RNF150: variants seen among roughly 807,000 people sequenced by gnomAD.
RNF150 encodes ring finger protein 150.
In RNF150, 24 loss-of-function variants were observed where a neutral mutation model predicts 39.3. The observed-to-expected ratio is 0.61, with a 90% CI of 0.44 to 0.86. The LOEUF (loss-of-function observed/expected upper bound fraction) is 0.86, where lower values mean the gene tolerates loss of function less well. Among genes scored for constraint, RNF150 ranks in the 40% least tolerant of loss-of-function variants. The pLI, the probability that RNF150 is intolerant of heterozygous loss-of-function variation, is 0.00. For synonymous variants in RNF150, 255 were observed against 227.3 expected, an observed-to-expected ratio of 1.12 and a Z score of -1.10; for missense variants, 502 against 587.8, an observed-to-expected ratio of 0.85 and a Z score of 1.51.
intron 1 of RNF150, among the ~76,000 whole-genome samples, chr4:141,100,874 A>G (rs892647324): frequency 6.6e-6 from 1 of 152,236 alleles, no homozygotes; most frequent in Non-Finnish European, 1.5e-5. Context: ...ACTGTAACAC[A>G]ATGATAAGAA....
intron 6 of RNF150, among the ~76,000 whole-genome samples, chr4:140,884,360 C>T (rs1020559048): frequency 2.6e-5 from 4 of 152,116 alleles, no homozygotes; most frequent in Non-Finnish European, 5.9e-5. Context: ...TCTTTGTACT[C>T]CTTTTCATGC....
chr4:141,073,484 T>C (rs1424034956), intron 1 of RNF150, among the ~76,000 whole-genome samples: 2 of 152,068 alleles, frequency 1.3e-5, no homozygotes, highest in Non-Finnish European at 1.5e-5. Flanking sequence ...TTCCATTTCA[T>C]GGGGGATGCA....
intron 1 of RNF150, among the ~76,000 whole-genome samples, chr4:141,118,172 A>T (rs1413095754): frequency 6.6e-6 from 1 of 151,982 alleles, no homozygotes; most frequent in African/African-American, 2.4e-5. Context: ...ATGGCCCCAA[A>T]CTCATGAATA....
intron 1 of RNF150, among the ~76,000 whole-genome samples, chr4:140,996,564 C>T (rs770796856): frequency 6.6e-6 from 1 of 152,178 alleles, no homozygotes; most frequent in Non-Finnish European, 1.5e-5. Context: ...ATCATAACTG[C>T]TCTGGCTACT....
intron 1 of RNF150, among the ~76,000 whole-genome samples, chr4:141,173,646 G>A (rs573816540): frequency 2.0e-5 from 3 of 152,246 alleles, no homozygotes; most frequent in Admixed American, 2.0e-4. Flanking sequence ...CTAGCTCATG[G>A]CCCCAGGAGA....
At chr4:141,128,067 C>T (rs954120971) in intron 1 of RNF150, among the ~76,000 whole-genome samples, 3 of 152,194 alleles carry the variant, frequency 2.0e-5, no homozygotes, top group African/African-American at 7.2e-5. Flanking sequence ...ATTGGCACCA[C>T]TGCTCTGGCC....
intron 2 of RNF150, among the ~76,000 whole-genome samples, chr4:140,965,032 CTTCA>C (rs1275686911): frequency 6.6e-6 from 1 of 152,088 alleles, no homozygotes; most frequent in East Asian, 1.9e-4. Context: ...CAGCTCTCTA[CTTCA>C]TTCATTACAC....
intron 1 of RNF150, among the ~76,000 whole-genome samples, chr4:140,981,960 T>C (rs1288581129): frequency 6.6e-6 from 1 of 152,192 alleles, no homozygotes; most frequent in African/African-American, 2.4e-5. Flanking sequence ...TGCATGCTGC[T>C]CTAGTCCTTA....
rs1728650800 is a variant in RNF150, at chr4:140,865,161, T to C, written c.*3100A>G. On this transcript the variant is annotated 3_prime_UTR_variant, in exon 7 of 7. Coordinates refer to ENST00000515673, the MANE Select transcript of RNF150 (RefSeq NM_020724.2). ...GACACAATGGATTTAGAAGACTTAGTACACAAAAGCATGTAAAACATGTCA... is the reference window on the plus strand; with the variant it reads ...GACACAATGGATTTAGAAGACTTAGCACACAAAAGCATGTAAAACATGTCA... 6.6e-6 allele frequency: 1 copy of C among 152,190 alleles called. No individual in the cohort carries two copies. The highest frequency in any genetic ancestry group is 6.5e-5 in the Admixed American group (1 of 15,286). 9.4% of individuals were successfully genotyped at this position (152,190 alleles called of 1,614,324 possible).
At position 141,163,269 on chromosome 4, in the gene RNF150, C is replaced by A. The variant is rs531867552; in HGVS notation, c.-6+49525G>T. On this transcript the variant is annotated intron_variant, in intron 1 of 7. Transcript: ENST00000420921. ...CTTCTCTAGATTCTTCCTCTCTGGGCAGGGCATCTCTGAAAGAAAGGCAGC... is the reference window on the plus strand; with the variant it reads ...CTTCTCTAGATTCTTCCTCTCTGGGAAGGGCATCTCTGAAAGAAAGGCAGC... 4.7e-4 allele frequency among the ~76,000 whole-genome samples: 72 copies of A among 152,350 alleles called. 1 individual carries two copies. Among genetic ancestry groups the A allele is most frequent in the African/African-American group, 1.6e-3 (67 of 41,592 alleles).
At chr4:141,076,051 TA>T (rs2110963844) in intron 1 of RNF150, among the ~76,000 whole-genome samples, 1 of 152,342 alleles carries the variant, frequency 6.6e-6, no homozygotes, top group East Asian at 1.9e-4. Flanking sequence ...TAAAAATGTA[TA>T]GGGACATAAT....
At chr4:141,019,265 C>A (rs545652931) in intron 1 of RNF150, among the ~76,000 whole-genome samples, 2 of 151,696 alleles carry the variant, frequency 1.3e-5, no homozygotes, top group South Asian at 4.2e-4. Context: ...ATAAAAAGAT[C>A]CAAGTCAAAT....
In RNF150 at chr4:140,935,017, ATAT is replaced by A. The variant is rs1228036364; in HGVS notation, c.891-8947_891-8945del. Among the ~76,000 whole-genome samples, 575 of 60,896 alleles carry A rather than the reference ATAT, an allele frequency of 9.4e-3. 7 individuals carry two copies. Among genetic ancestry groups the A allele is most frequent in the African/African-American group, 0.04 (543 of 13,538 alleles). 40.0% of individuals were successfully genotyped at this position (60,896 alleles called of 152,430 possible). On this transcript the variant is annotated intron_variant, in intron 4 of 6. Coordinates refer to ENST00000515673, the MANE Select transcript of RNF150 (RefSeq NM_020724.2). ...TATATATATATATATAAATATATAT[ATAT>A]TATATATTTATAATATATATATATA...
At chr4:140,933,724 C>T (rs1294764577) in intron 4 of RNF150, among the ~76,000 whole-genome samples, 1 of 152,190 alleles carries the variant, frequency 6.6e-6, no homozygotes, top group East Asian at 1.9e-4. Context: ...CCATGCTTTT[C>T]CCTGTTCCTT....
intron 1 of RNF150, among the ~76,000 whole-genome samples, chr4:141,178,974 G>A (rs1181445028): frequency 1.3e-5 from 2 of 149,392 alleles, no homozygotes; most frequent in Non-Finnish European, 2.9e-5. Context: ...AAGCATATGT[G>A]ACTCCTAAAT....
chr4:141,048,593 C>T (rs552371527), intron 1 of RNF150, among the ~76,000 whole-genome samples: 1 of 152,154 alleles, frequency 6.6e-6, no homozygotes. Context: ...ATTAACCAGG[C>T]ATGGTAGTGT....
intron 1 of RNF150, among the ~76,000 whole-genome samples, chr4:141,113,537 CAA>C (rs1363805286): frequency 6.6e-6 from 1 of 152,078 alleles, no homozygotes; most frequent in Non-Finnish European, 1.5e-5. Flanking sequence ...TGGAGATATA[CAA>C]AGAGACTTAG....
At chr4:140,982,515 C>CTTTTT (rs35925074) in intron 1 of RNF150, among the ~76,000 whole-genome samples, 1 of 132,920 alleles carries the variant, frequency 7.5e-6, no homozygotes, top group Admixed American at 7.7e-5. Context: ...GTAGCACAGA[C>CTTTTT]TTTTTTTTTT....
At position 141,027,952 on chromosome 4, in the gene RNF150, T is replaced by TTTTTTTTTTTTTTTTTTTTTTTTTG. The variant is rs1553938684; in HGVS notation, c.485-60080_485-60079insCAAAAAAAAAAAAAAAAAAAAAAAA. Reference sequence around the variant, plus strand: ...TTTTTTTTTTTTTTTTTTTTTTTTTTCAATCCTGCTGGATCAAGATGTATA... The same window carrying TTTTTTTTTTTTTTTTTTTTTTTTTG: ...TTTTTTTTTTTTTTTTTTTTTTTTTTTTTTTTTTTTTTTTTTTTTTTTTTGCAATCCTGCTGGATCAAGATGTATA... On this transcript the variant is annotated intron_variant, in intron 1 of 6. Coordinates refer to ENST00000515673, the MANE Select transcript of RNF150 (RefSeq NM_020724.2). Among the ~76,000 whole-genome samples the TTTTTTTTTTTTTTTTTTTTTTTTTG allele has an allele frequency of 9.8e-5, 7 of 71,576 alleles. 2 individuals are homozygous for TTTTTTTTTTTTTTTTTTTTTTTTTG. Among genetic ancestry groups the TTTTTTTTTTTTTTTTTTTTTTTTTG allele is most frequent in the Non-Finnish European group, 1.7e-4 (6 of 34,328 alleles). 47.0% of individuals were successfully genotyped at this position (71,576 alleles called of 152,430 possible).
Sources: gnomAD v4.1 joint callset for allele counts (sites outside exome capture counted in the v4.1 genomes callset) on GRCh38, gnomAD v4.1.1 for gene constraint, MANE v1.5 for transcripts, NCBI Gene and HGNC (gene_info 2026-07-23, HGNC 2026-07-21) for gene names.